NOSTRIN: variants seen among roughly 807,000 people sequenced by gnomAD.
NOSTRIN encodes BM247 homolog.
Under a neutral mutation model 59.0 loss-of-function variants are expected in NOSTRIN, and 63 were observed. The ratio of observed to expected loss-of-function variants is 1.07; its 90% CI spans 0.87 to 1.32. NOSTRIN has a LOEUF of 1.32. NOSTRIN is among the 40% of genes most tolerant of loss of function. The pLI is 0.00. For synonymous variants in NOSTRIN, 200 were observed against 165.4 expected (o/e 1.21, Z -1.61); for missense variants, 512 against 473.1 (o/e 1.08, Z -0.76).
intron 1 of NOSTRIN, among the ~76,000 whole-genome samples, chr2:168,805,423 T>G (rs1338474489): frequency 6.6e-6 from 1 of 152,222 alleles, no homozygotes; most frequent in East Asian, 1.9e-4. Context: ...GTTTAGCTCT[T>G]AAACCTAAAA....
At chr2:168,814,051 A>C (rs77913489) in intron 2 of NOSTRIN, among the ~76,000 whole-genome samples, 4,513 of 152,256 alleles carry the variant, frequency 0.03, 226 homozygotes, top group African/African-American at 0.1. Context: ...TCCACACTAA[A>C]AGAGATGGCA....
At chr2:168,837,298 A>ATT (rs1267903005) in intron 7 of NOSTRIN, among the ~76,000 whole-genome samples, 11 of 84,526 alleles carry the variant, frequency 1.3e-4, no homozygotes, top group Non-Finnish European at 2.1e-4. Flanking sequence ...CTTTTTTAAC[A>ATT]TCTTTTTTTT....
At chr2:168,799,387 G>C (rs1057439372), upstream of NOSTRIN, among the ~76,000 whole-genome samples, 1 of 152,176 alleles carries the variant, frequency 6.6e-6, no homozygotes, top group African/African-American at 2.4e-5. Flanking sequence ...TGGGAACTCA[G>C]TCTCCTCCTC....
chr2:168,854,830 T>C (rs545826947), intron 10 of NOSTRIN, among the ~76,000 whole-genome samples: 3 of 152,336 alleles, frequency 2.0e-5, no homozygotes, highest in African/African-American at 4.8e-5. Context: ...GTTTCTTTAA[T>C]GTTATGCTTC....
chr2:168,819,643 T>G (rs1371159532), intron 2 of NOSTRIN, among the ~76,000 whole-genome samples: 5 of 152,218 alleles, frequency 3.3e-5, no homozygotes, highest in Non-Finnish European at 7.3e-5. Flanking sequence ...CCTTCTGTCT[T>G]GCAGAGTAAT....
intron 2 of NOSTRIN, among the ~76,000 whole-genome samples, chr2:168,791,421 T>G (rs576324745): frequency 8.5e-5 from 13 of 152,374 alleles, no homozygotes; most frequent in African/African-American, 3.1e-4. Flanking sequence ...GTTCCAAGTC[T>G]TTGCTATTGT....
intron 7 of NOSTRIN, among the ~76,000 whole-genome samples, chr2:168,839,801 G>A (rs754100994): frequency 6.7e-6 from 1 of 148,916 alleles, no homozygotes; most frequent in Admixed American, 6.7e-5. Flanking sequence ...CAGGCGAATC[G>A]CTTGAACCTG....
chr2:168,862,518 G>A (rs1689528066), intron 15 of NOSTRIN, among the ~76,000 whole-genome samples: 1 of 147,226 alleles, frequency 6.8e-6, no homozygotes, highest in Non-Finnish European at 1.5e-5. Context: ...TCAGGAATGT[G>A]AAGTGACCTC....
intron 2 of NOSTRIN, among the ~76,000 whole-genome samples, chr2:168,821,728 G>A (rs1409451676): frequency 6.6e-6 from 1 of 152,212 alleles, no homozygotes; most frequent in African/African-American, 2.4e-5. Flanking sequence ...AGAATACCAC[G>A]TGGTTATGTA....
chr2:168,818,221 AT>A (rs751538896), intron 2 of NOSTRIN: 17 of 433,972 alleles, frequency 3.9e-5, no homozygotes, highest in Admixed American at 1.2e-4. Context: ...TGGTGCAATT[AT>A]AGCTTGCTGC....
chr2:168,834,503 G>GCACACA (rs1355060150), intron 7 of NOSTRIN, among the ~76,000 whole-genome samples, 178 bp downstream of exon 7: 275 of 119,808 alleles, frequency 2.3e-3, no homozygotes, highest in African/African-American at 6.1e-3. Flanking sequence ...GCGCGCGCGC[G>GCACACA]CGCGCACACA....
chr2:168,822,193 C>A (rs1388116423), intron 2 of NOSTRIN, among the ~76,000 whole-genome samples: 1 of 152,248 alleles, frequency 6.6e-6, no homozygotes, highest in Non-Finnish European at 1.5e-5. Context: ...TGACTGGCTT[C>A]ATTGTCTCAA....
intron 2 of NOSTRIN, among the ~76,000 whole-genome samples, chr2:168,792,296 A>G (rs1019361586): frequency 3.9e-5 from 6 of 152,214 alleles, no homozygotes; most frequent in Non-Finnish European, 4.4e-5. Flanking sequence ...GACTCAAATT[A>G]TCAAAGGAAA....
intron 8 of NOSTRIN, among the ~76,000 whole-genome samples, chr2:168,847,227 C>T (rs997795084): frequency 6.6e-6 from 1 of 152,092 alleles, no homozygotes; most frequent in Non-Finnish European, 1.5e-5. Context: ...AAGATAAAAT[C>T]ATACATATAC....
At chr2:168,816,250 G>A (rs1454863040) in intron 2 of NOSTRIN, among the ~76,000 whole-genome samples, 1 of 152,158 alleles carries the variant, frequency 6.6e-6, no homozygotes, top group Non-Finnish European at 1.5e-5. Flanking sequence ...GGCCAGCTGA[G>A]GCCCTGTGCC....
intron 1 of NOSTRIN, among the ~76,000 whole-genome samples, chr2:168,805,557 C>T (rs1038386064): frequency 3.9e-5 from 6 of 152,220 alleles, no homozygotes; most frequent in Non-Finnish European, 8.8e-5. Context: ...CAAACAATCA[C>T]ATAGAAATCA....
In NOSTRIN at chr2:168,865,003, G is replaced by A. The variant is rs757176411; in HGVS notation, c.*33G>A. The A allele has an allele frequency of 6.5e-5, 105 of 1,609,486 alleles. No individual in the cohort carries two copies. Among genetic ancestry groups the A allele is most frequent in the Non-Finnish European group, 6.7e-5 (79 of 1,177,736 alleles). On this transcript the variant is annotated 3_prime_UTR_variant, in exon 16 of 16. Coordinates refer to ENST00000317647, the MANE Select transcript of NOSTRIN (RefSeq NM_001039724.4). ...CTCTGAACATACTACCTTCACACTC[G>A]GTAATCAACAATACAGTGTGGTTCA... is the stretch of plus-strand genomic sequence containing the variant.
At chr2:168,808,240 G>A (rs1685962935) in intron 1 of NOSTRIN, among the ~76,000 whole-genome samples, 1 of 152,170 alleles carries the variant, frequency 6.6e-6, no homozygotes, top group Non-Finnish European at 1.5e-5. Flanking sequence ...TTCCACGCTT[G>A]ATGTCCAGGG....
At chr2:168,814,490 C>T (rs1289359821) in intron 2 of NOSTRIN, among the ~76,000 whole-genome samples, 1 of 152,218 alleles carries the variant, frequency 6.6e-6, no homozygotes, top group Non-Finnish European at 1.5e-5. Flanking sequence ...CAATGGTAAT[C>T]TTCCCTTGTA....
Sources: gnomAD v4.1 joint callset for allele counts (sites outside exome capture counted in the v4.1 genomes callset) on GRCh38, gnomAD v4.1.1 for gene constraint, MANE v1.5 for transcripts, NCBI Gene and HGNC (gene_info 2026-07-23, HGNC 2026-07-21) for gene names.